Variants in BICC1 observed in about 807,000 individuals in gnomAD.
The protein encoded by BICC1 is BicC family RNA binding protein 1, also known as protein bicaudal C homolog 1.
BICC1 carries 43 observed loss-of-function variants against 111.0 expected under a neutral mutation model. The ratio of observed to expected loss-of-function variants is 0.39; its 90% CI spans 0.30 to 0.50. The LOEUF (loss-of-function observed/expected upper bound fraction) is 0.50. Among genes scored for constraint, BICC1 ranks in the 20% least tolerant of loss-of-function variants. The probability of loss-of-function intolerance (pLI) is 0.88; values close to 1 mark genes in which losing one functional copy is unlikely to be tolerated. For synonymous variants in BICC1, 467 were observed against 434.4 expected (o/e 1.07, Z -0.93); for missense variants, 1,091 against 1,203.2 (o/e 0.91, Z 1.38).
At chr10:58,589,790 A>G (rs1358623938) in intron 1 of BICC1, among the ~76,000 whole-genome samples, 1 of 151,820 alleles carries the variant, frequency 6.6e-6, no homozygotes, top group African/African-American at 2.4e-5. Flanking sequence ...AAATTTTTTA[A>G]ATTATTATTA....
chr10:58,720,083 T>C (rs933003777), intron 3 of BICC1, among the ~76,000 whole-genome samples: 6 of 152,242 alleles, frequency 3.9e-5, no homozygotes, highest in African/African-American at 1.4e-4. Flanking sequence ...CTCTGCTTTC[T>C]AGATTAAATT....
At chr10:58,592,576 T>C (rs1273591973) in intron 1 of BICC1, among the ~76,000 whole-genome samples, 1 of 151,236 alleles carries the variant, frequency 6.6e-6, no homozygotes. Flanking sequence ...ATGGGCGTGG[T>C]TGGTGGCGGG....
intron 15 of BICC1, among the ~76,000 whole-genome samples, chr10:58,805,016 G>C (rs1482212758): frequency 6.6e-6 from 1 of 152,178 alleles, no homozygotes. Context: ...AAGTCAGCCA[G>C]GCATGGTGGC....
chr10:58,765,558 C>T (rs1271302842), intron 3 of BICC1, among the ~76,000 whole-genome samples: 5 of 152,118 alleles, frequency 3.3e-5, no homozygotes, highest in African/African-American at 9.7e-5. Flanking sequence ...TAAGGTTGTA[C>T]GTGATAAACT....
At chr10:58,562,122 A>G (rs1265163475) in intron 1 of BICC1, among the ~76,000 whole-genome samples, 2 of 152,094 alleles carry the variant, frequency 1.3e-5, no homozygotes, top group Non-Finnish European at 2.9e-5. Context: ...AATTTACTTA[A>G]GGATTTTTGA....
At chr10:58,545,116 C>G (rs745521412) in intron 1 of BICC1, among the ~76,000 whole-genome samples, 2 of 152,046 alleles carry the variant, frequency 1.3e-5, no homozygotes, top group Non-Finnish European at 2.9e-5. Context: ...ATTGTTTAAG[C>G]CACCTAGTTG....
Position 58,803,209 on chromosome 10 carries a change from C to T in BICC1, c.2148C>T (p.His716=), listed in dbSNP as rs766382976. Reference sequence around the variant, plus strand: ...CCCAGCAAAACTCCGAAAGGGCCCACCTTGCTCCACGGTCATCATATGTCA... The same window carrying T: ...CCCAGCAAAACTCCGAAAGGGCCCATCTTGCTCCACGGTCATCATATGTCA... The part of the protein sequence containing the change: ...AAAQQNSERA[H]LAPRSSYVNM... The change falls in exon 15 of 21, where the codon CAC becomes CAT. Residue 716 remains histidine, a synonymous_variant. Coordinates refer to ENST00000373886, the MANE Select transcript of BICC1 (RefSeq NM_001080512.3). The T allele has an allele frequency of 1.9e-6, 3 of 1,607,638 alleles. No homozygotes were observed. The highest frequency in any genetic ancestry group is 4.5e-5 in the East Asian group (2 of 44,694).
At position 58,793,683 on chromosome 10, in the gene BICC1, A is replaced by T. The variant is rs867817155; in HGVS notation, c.1179+68A>T. 15 of 1,532,262 alleles carry T rather than the reference A, an allele frequency of 9.8e-6. 1 individual carries two copies. The Middle Eastern group carries it at 1.9e-3, about 191-fold the overall frequency. The allele number at this position is 1,532,262 out of a possible 1,614,324, so 94.9% of individuals were successfully genotyped here. Reference sequence around the variant, plus strand: ...TATGCTGTATAGTTTTATTTTGCATAGAAGTATTTATTTGCATATACATGA... The same window carrying T: ...TATGCTGTATAGTTTTATTTTGCATTGAAGTATTTATTTGCATATACATGA... On this transcript the variant is annotated intron_variant, in intron 9 of 20. Coordinates refer to ENST00000373886, the MANE Select transcript of BICC1 (RefSeq NM_001080512.3).
At chr10:58,655,266 C>A (rs1213309660) in intron 2 of BICC1, among the ~76,000 whole-genome samples, 1 of 141,298 alleles carries the variant, frequency 7.1e-6, no homozygotes, top group African/African-American at 2.6e-5. Flanking sequence ...CTGTAAATTA[C>A]CTTGGGCAGT....
At chr10:58,735,680 T>A (rs924550919) in intron 3 of BICC1, among the ~76,000 whole-genome samples, 1 of 152,212 alleles carries the variant, frequency 6.6e-6, no homozygotes, top group Non-Finnish European at 1.5e-5. Flanking sequence ...CGTGTGAAAC[T>A]GAAGCCCATG....
chr10:58,631,931 A>T (rs1837805782), intron 2 of BICC1, among the ~76,000 whole-genome samples: 1 of 152,192 alleles, frequency 6.6e-6, no homozygotes, highest in Admixed American at 6.5e-5. Flanking sequence ...TAAAACAATG[A>T]TTCATGTGTA....
At chr10:58,826,758 A>G (rs1214177903) in intron 20 of BICC1, among the ~76,000 whole-genome samples, 1 of 152,176 alleles carries the variant, frequency 6.6e-6, no homozygotes, top group African/African-American at 2.4e-5. Flanking sequence ...GACTGTCCCA[A>G]AAAGAAAAAA....
intron 1 of BICC1, among the ~76,000 whole-genome samples, chr10:58,600,955 C>T (rs1376928788): frequency 4.0e-5 from 6 of 151,570 alleles, no homozygotes; most frequent in Admixed American, 6.6e-5. Context: ...AAAAGTTGTA[C>T]GTGGATTTTC....
At chr10:58,716,333 TGAG>T (rs1840739533) in intron 3 of BICC1, 2 of 1,415,090 alleles carry the variant, frequency 1.4e-6, no homozygotes, top group Admixed American at 2.7e-5. Context: ...GTGCAATGTC[TGAG>T]GAAATTTCAA....
In BICC1 at chr10:58,709,467, A is replaced by T. The variant is rs1390756009; in HGVS notation, c.307+7324A>T. Reference sequence around the variant, plus strand: ...GACAAAGGTTGTAGAACACTGTGCTAGGTGGTCAGCTCTCCAAAGGGTAAG... The same window carrying T: ...GACAAAGGTTGTAGAACACTGTGCTTGGTGGTCAGCTCTCCAAAGGGTAAG... On this transcript the variant is annotated intron_variant, in intron 3 of 20. Transcript: ENST00000373886. 2.6e-5 allele frequency among the ~76,000 whole-genome samples: 4 copies of T among 152,362 alleles called. No individual in the cohort carries two copies. In the East Asian group the frequency reaches 7.7e-4, roughly 29 times the overall value.
chr10:58,512,863 G>A (rs1263311918), upstream of BICC1, among the ~76,000 whole-genome samples: 1 of 148,264 alleles, frequency 6.7e-6, no homozygotes, highest in Non-Finnish European at 1.5e-5. Flanking sequence ...CGGGCAGCGC[G>A]GCGCGCTCAT....
chr10:58,524,627 T>G (rs1842480884), intron 1 of BICC1, among the ~76,000 whole-genome samples: 2 of 152,018 alleles, frequency 1.3e-5, no homozygotes, highest in African/African-American at 2.4e-5. Flanking sequence ...AACCTAGGCA[T>G]TACCATTCAG....
chr10:58,695,282 G>C (rs1255862040), intron 2 of BICC1, among the ~76,000 whole-genome samples: 4 of 152,098 alleles, frequency 2.6e-5, no homozygotes, highest in African/African-American at 9.7e-5. Flanking sequence ...CGCTTAGTTG[G>C]CTCTTTTCTC....
intron 2 of BICC1, among the ~76,000 whole-genome samples, chr10:58,638,572 T>C (rs1838020272): frequency 6.6e-6 from 1 of 152,148 alleles, no homozygotes; most frequent in South Asian, 2.1e-4. Flanking sequence ...TCACCCAGAG[T>C]TCACAGACTT....
Sources: allele counts gnomAD v4.1 joint callset (sites outside exome capture counted in the v4.1 genomes callset), GRCh38; gene constraint gnomAD v4.1.1; transcripts MANE v1.5; gene names NCBI Gene and HGNC (gene_info 2026-07-23, HGNC 2026-07-21).